The following CCDC6 variants were observed in gnomAD, a reference collection of about 807,000 sequenced individuals.
CCDC6 encodes coiled-coil domain-containing protein 6.
CCDC6 carries 20 observed loss-of-function variants against 56.6 expected under a neutral mutation model. That is an observed-to-expected ratio of 0.35 (90% CI 0.25 to 0.51). CCDC6 has a LOEUF of 0.51. Among genes scored for constraint, CCDC6 ranks in the 20% least tolerant of loss-of-function variants. The pLI is 0.95. For synonymous variants in CCDC6, 241 were observed against 234.4 expected, an observed-to-expected ratio of 1.03 and a Z score of -0.26; for missense variants, 367 against 601.1, an observed-to-expected ratio of 0.61 and a Z score of 4.07.
chr10:59,834,569 G>GAA (rs11432454), intron 2 of CCDC6, among the ~76,000 whole-genome samples: 89 of 121,252 alleles, frequency 7.3e-4, no homozygotes, highest in Admixed American at 1.9e-3. Context: ...TCTCAAAAAA[G>GAA]AAAAAAAAAA....
intron 3 of CCDC6, among the ~76,000 whole-genome samples, chr10:59,830,770 G>C (rs1023843202): frequency 2.6e-5 from 4 of 152,194 alleles, no homozygotes; most frequent in African/African-American, 9.6e-5. Flanking sequence ...AGGAACAATA[G>C]GATGAGACTG....
At position 59,870,586 on chromosome 10, in the gene CCDC6, T is replaced by TGGTG. The variant is rs78905744; in HGVS notation, c.304-17885_304-17884insCACC. Among the ~76,000 whole-genome samples, 5 of 151,982 alleles carry TGGTG rather than the reference T, an allele frequency of 3.3e-5. No homozygotes were observed. The South Asian group carries it at 1.0e-3, about 32-fold the overall frequency. On this transcript the variant is annotated intron_variant, in intron 1 of 8. Transcript: ENST00000263102. ...TTGAAAAGAGGACTCTCCTACAATC[T>TGGTG]AGAGGACCACCCAGCTAGATTACAT...
intron 3 of CCDC6, among the ~76,000 whole-genome samples, chr10:59,831,489 T>C (rs1367629603): frequency 6.6e-6 from 1 of 152,168 alleles, no homozygotes; most frequent in South Asian, 2.1e-4. Context: ...ACTGATGGAA[T>C]GAGTTAACAT....
intron 1 of CCDC6, among the ~76,000 whole-genome samples, chr10:59,885,831 C>T (rs908485369): frequency 5.9e-5 from 9 of 151,800 alleles, no homozygotes; most frequent in African/African-American, 1.7e-4. Context: ...TCATATCCTC[C>T]AAGAAACACA....
intron 1 of CCDC6, among the ~76,000 whole-genome samples, chr10:59,902,857 C>G (rs2071514718): frequency 6.6e-6 from 1 of 152,174 alleles, no homozygotes; most frequent in Non-Finnish European, 1.5e-5. Flanking sequence ...TGATATCTTT[C>G]CAGACAAAAC....
intron 1 of CCDC6, among the ~76,000 whole-genome samples, chr10:59,864,939 A>G (rs1177701): frequency 0.49 from 74,338 of 152,078 alleles, 18,795 homozygotes; most frequent in African/African-American, 0.62. Context: ...CAATGAGTAT[A>G]TCGGTGTTCT....
intron 1 of CCDC6, among the ~76,000 whole-genome samples, chr10:59,881,358 C>T (rs1359377267): frequency 6.6e-6 from 1 of 151,906 alleles, no homozygotes; most frequent in African/African-American, 2.4e-5. Context: ...CCCGGCAGCA[C>T]ATTCATAAGA....
intron 1 of CCDC6, among the ~76,000 whole-genome samples, chr10:59,877,023 T>C (rs1247990397): frequency 2.0e-5 from 3 of 152,212 alleles, no homozygotes; most frequent in African/African-American, 2.4e-5. Flanking sequence ...CTGCAGGCAA[T>C]TGTAACATAA....
At chr10:59,900,661 G>A (rs2071498468) in intron 1 of CCDC6, among the ~76,000 whole-genome samples, 1 of 152,276 alleles carries the variant, frequency 6.6e-6, no homozygotes, top group East Asian at 1.9e-4. Context: ...CAGCCTCTCT[G>A]GTCCTGAACA....
chr10:59,901,133 G>GA (rs1286764991), intron 1 of CCDC6, among the ~76,000 whole-genome samples: 1 of 152,108 alleles, frequency 6.6e-6, no homozygotes. Context: ...TTACAAATGT[G>GA]AAAAAACTCG....
chr10:59,855,614 G>T (rs1363814419), intron 1 of CCDC6, among the ~76,000 whole-genome samples: 3 of 152,084 alleles, frequency 2.0e-5, no homozygotes, highest in African/African-American at 7.2e-5. Context: ...GAAGCGGAGG[G>T]GATGGGAATG....
chr10:59,802,737 T>C (rs559974178), intron 7 of CCDC6, among the ~76,000 whole-genome samples: 188 of 152,350 alleles, frequency 1.2e-3, no homozygotes, highest in African/African-American at 3.8e-3. Flanking sequence ...GTAAAAATTA[T>C]GTAAATACAG....
chr10:59,809,719 T>C (rs1432875998), intron 5 of CCDC6, among the ~76,000 whole-genome samples: 1 of 152,162 alleles, frequency 6.6e-6, no homozygotes, highest in Non-Finnish European at 1.5e-5. Context: ...CCACAGATCC[T>C]TGGAAACTGT....
intron 5 of CCDC6, 48 bp from the exon 6 acceptor site, chr10:59,807,126 C>A: frequency 1.3e-6 from 2 of 1,564,602 alleles, no homozygotes; most frequent in Admixed American, 1.8e-5. Context: ...GCAATCATAT[C>A]CAAATCTAAA....
At chr10:59,881,359 A>C (rs2071333414) in intron 1 of CCDC6, among the ~76,000 whole-genome samples, 1 of 152,068 alleles carries the variant, frequency 6.6e-6, no homozygotes, top group African/African-American at 2.4e-5. Flanking sequence ...CCGGCAGCAC[A>C]TTCATAAGAA....
rs1334569472 is a variant in CCDC6 at position 59,878,166 on chromosome 10, TTATAAAC to T, written c.304-25471_304-25465del. 3.3e-5 allele frequency among the ~76,000 whole-genome samples: 5 copies of T among 152,338 alleles called. No individual in the cohort carries two copies. The East Asian group carries it at 9.6e-4, about 29-fold the overall frequency. On this transcript the variant is annotated intron_variant, in intron 1 of 8. Transcript: ENST00000263102. Reference sequence around the variant, plus strand: ...CAATCCTATTTTAAGAACACCCATATTATAAACTATAGATTTATGAAAAACAAGAGTT... The same window carrying T: ...CAATCCTATTTTAAGAACACCCATATTATAGATTTATGAAAAACAAGAGTT...
intron 1 of CCDC6, among the ~76,000 whole-genome samples, chr10:59,882,073 G>C (rs866695085): frequency 0.24 from 17,620 of 72,754 alleles, 901 homozygotes; most frequent in East Asian, 0.36. Flanking sequence ...GGAAAGCCGC[G>C]GGGAGAAGGA....
At chr10:59,871,951 G>C (rs1215815964) in intron 1 of CCDC6, among the ~76,000 whole-genome samples, 1 of 152,162 alleles carries the variant, frequency 6.6e-6, no homozygotes, top group African/African-American at 2.4e-5. Flanking sequence ...GGAGGAAGAA[G>C]GGAAATGGAT....
chr10:59,793,395 T>C (rs964094222), intron 8 of CCDC6, among the ~76,000 whole-genome samples: 2 of 152,232 alleles, frequency 1.3e-5, no homozygotes, highest in Admixed American at 1.3e-4. Flanking sequence ...AAATATCCCC[T>C]TAAATCTTTC....
Sources: gnomAD v4.1 joint callset for allele counts (sites outside exome capture counted in the v4.1 genomes callset) on GRCh38, gnomAD v4.1.1 for gene constraint, MANE v1.5 for transcripts, NCBI Gene and HGNC (gene_info 2026-07-23, HGNC 2026-07-21) for gene names.